MAP2K5: variants seen among roughly 807,000 people sequenced by gnomAD.
MAP2K5 encodes dual specificity mitogen-activated protein kinase kinase 5.
In MAP2K5, 49 loss-of-function variants were observed where a neutral mutation model predicts 83.1. The observed-to-expected ratio is 0.59, with a 90% CI of 0.47 to 0.75. The LOEUF is 0.75. Among genes scored for constraint, MAP2K5 ranks in the 30% least tolerant of loss-of-function variants. MAP2K5 has a pLI of 0.00. For missense variants in MAP2K5, 457 were observed against 557.5 expected (o/e 0.82, Z 1.82); for synonymous variants, 202 against 191.8 (o/e 1.05, Z -0.44).
intron 3 of MAP2K5, among the ~76,000 whole-genome samples, chr15:67,576,970 C>T (rs2085078652): frequency 7.1e-6 from 1 of 140,308 alleles, no homozygotes; most frequent in South Asian, 2.5e-4. Flanking sequence ...GCTCTGTCGC[C>T]CAGGCCGGAC....
intron 7 of MAP2K5, among the ~76,000 whole-genome samples, chr15:67,597,920 C>G (rs1404459976): frequency 6.6e-6 from 1 of 152,030 alleles, no homozygotes; most frequent in Non-Finnish European, 1.5e-5. Flanking sequence ...AAAACACAGT[C>G]AGGCCGGGCG....
chr15:67,600,533 T>C (rs2085632560), intron 7 of MAP2K5, 152 bp from the exon 8 acceptor site: 1 of 628,948 alleles, frequency 1.6e-6, no homozygotes, highest in Non-Finnish European at 2.8e-6. Flanking sequence ...CTTTTATAAA[T>C]TGGACAGCAA....
At position 67,802,540 on chromosome 15, in the gene MAP2K5, G is replaced by A. The variant is rs992418451; in HGVS notation, c.1243-4106G>A. On this transcript the variant is annotated intron_variant, in intron 21 of 21. Transcript: ENST00000178640. This position sits in a 1 kb window ranked among gnomAD's most constrained non-coding sequence, Gnocchi z 5.0. ...CCTCGTCAGTTTAATTGTTGCAATT[G>A]GCCCTCAGAGAATCCAGGGAATGAG... Among the ~76,000 whole-genome samples the A allele has an allele frequency of 6.6e-6, 1 of 152,188 alleles. No homozygotes were observed.
chr15:67,609,795 A>G (rs2085876881), intron 8 of MAP2K5, among the ~76,000 whole-genome samples: 1 of 152,082 alleles, frequency 6.6e-6, no homozygotes, highest in Admixed American at 6.5e-5. Flanking sequence ...TGAGACCTAA[A>G]GACAGGATGG....
chr15:67,559,693 A>G lies in MAP2K5; in HGVS notation c.185-3590A>G, dbSNP rs532233570. 1.3e-4 allele frequency among the ~76,000 whole-genome samples: 20 copies of G among 152,166 alleles called. No individual in the cohort carries two copies. The South Asian group carries it at 4.1e-3, about 32-fold the overall frequency. On this transcript the variant is annotated intron_variant, in intron 2 of 21. Transcript: ENST00000178640. This position sits in a 1 kb window ranked among gnomAD's most constrained non-coding sequence, Gnocchi z 4.7. Reference sequence around the variant, plus strand: ...GCCAGTACATAGGCTTTCTGGTTCTACTTTTGCTTCCCTAATGTGCTGGAA... The same window carrying G: ...GCCAGTACATAGGCTTTCTGGTTCTGCTTTTGCTTCCCTAATGTGCTGGAA...
chr15:67,649,092 G>A (rs141461366), intron 11 of MAP2K5, among the ~76,000 whole-genome samples: 7 of 152,290 alleles, frequency 4.6e-5, no homozygotes, highest in African/African-American at 1.4e-4. Flanking sequence ...CTTGTAGTGT[G>A]ACATGGTATC....
Position 67,720,289 on chromosome 15 carries a change from A to G in MAP2K5, c.1045-7627A>G, listed in dbSNP as rs1266601082. Among the ~76,000 whole-genome samples, 1 of 151,966 alleles carries G rather than the reference A, an allele frequency of 6.6e-6. No homozygotes were observed. On this transcript the variant is annotated intron_variant, in intron 16 of 21. Coordinates refer to ENST00000178640, the MANE Select transcript of MAP2K5 (RefSeq NM_145160.3). The surrounding 1 kb of genome is among the most constrained non-coding windows in gnomAD (Gnocchi z 5.7). ...ACACACATATGCTTATATATACATA[A>G]GTATACACATACATACACACACATA... is the stretch of plus-strand genomic sequence containing the variant.
chr15:67,594,675 G>C (rs954237765), intron 7 of MAP2K5, among the ~76,000 whole-genome samples: 4 of 152,140 alleles, frequency 2.6e-5, no homozygotes, highest in Non-Finnish European at 4.4e-5. Context: ...GTGGGAGGTT[G>C]TCCTGGCAAG....
In MAP2K5 at chr15:67,738,686, C is replaced by T. The variant is rs1337874648; in HGVS notation, c.1075-9545C>T. 6.6e-6 allele frequency among the ~76,000 whole-genome samples: 1 copy of T among 152,186 alleles called. No individual in the cohort carries two copies. Among genetic ancestry groups the T allele is most frequent in the Non-Finnish European group, 1.5e-5 (1 of 68,026 alleles). On this transcript the variant is annotated intron_variant, in intron 17 of 21. Coordinates refer to ENST00000178640, the MANE Select transcript of MAP2K5 (RefSeq NM_145160.3). This position sits in a 1 kb window ranked among gnomAD's most constrained non-coding sequence, Gnocchi z 4.1. ...TGTATAGAGGAGATGGGGATCCACC[C>T]ACATACACATGTACACACAACCACA...
chr15:67,635,619 A>G (rs1037942313), intron 9 of MAP2K5, among the ~76,000 whole-genome samples: 2 of 151,908 alleles, frequency 1.3e-5, no homozygotes, highest in African/African-American at 4.8e-5. Context: ...TGTCTGAATG[A>G]CTTCTTCCTT....
chr15:67,628,938 G>A, intron 8 of MAP2K5: 1 of 758,200 alleles, frequency 1.3e-6, no homozygotes, highest in Non-Finnish European at 2.4e-6. Context: ...CAATTTTGGA[G>A]GTGGTGGAAG....
intron 13 of MAP2K5, among the ~76,000 whole-genome samples, chr15:67,681,982 C>T (rs1159184346): frequency 6.6e-6 from 1 of 152,172 alleles, no homozygotes; most frequent in African/African-American, 2.4e-5. Flanking sequence ...CTCATCTTTT[C>T]TGTGCTTTGC....
intron 20 of MAP2K5, among the ~76,000 whole-genome samples, chr15:67,771,454 A>G (rs1240179882): frequency 6.6e-6 from 1 of 152,204 alleles, no homozygotes; most frequent in Admixed American, 6.5e-5. Context: ...AAAATTAATC[A>G]GCTGTTATTT....
intron 8 of MAP2K5, among the ~76,000 whole-genome samples, chr15:67,620,103 G>A (rs1177233371): frequency 2.6e-5 from 4 of 152,136 alleles, no homozygotes; most frequent in Non-Finnish European, 4.4e-5. Context: ...CATGTGCAGC[G>A]GCTAACGCCT....
intron 21 of MAP2K5, among the ~76,000 whole-genome samples, chr15:67,787,564 A>C (rs968106370): frequency 9.9e-5 from 15 of 151,970 alleles, no homozygotes; most frequent in African/African-American, 3.6e-4. Flanking sequence ...ATTGCTTTAG[A>C]CTCCTTTTAA....
At chr15:67,609,867 G>A (rs2085878483) in intron 8 of MAP2K5, among the ~76,000 whole-genome samples, 1 of 152,106 alleles carries the variant, frequency 6.6e-6, no homozygotes, top group Non-Finnish European at 1.5e-5. Context: ...TCAGGCGGAA[G>A]CCCTAAGATT....
rs1333659427 is a variant in MAP2K5, at chr15:67,802,533, T to G, written c.1243-4113T>G. 2.0e-5 allele frequency among the ~76,000 whole-genome samples: 3 copies of G among 152,222 alleles called. No homozygotes were observed. Among genetic ancestry groups the G allele is most frequent in the Admixed American group, 6.5e-5 (1 of 15,286 alleles). On this transcript the variant is annotated intron_variant, in intron 21 of 21. Coordinates refer to ENST00000178640, the MANE Select transcript of MAP2K5 (RefSeq NM_145160.3). The surrounding 1 kb of genome is among the most constrained non-coding windows in gnomAD (Gnocchi z 5.0). ...CTTCAACCCTCGTCAGTTTAATTGTTGCAATTGGCCCTCAGAGAATCCAGG... is the reference window on the plus strand; with the variant it reads ...CTTCAACCCTCGTCAGTTTAATTGTGGCAATTGGCCCTCAGAGAATCCAGG...
rs1339324185 is a variant in MAP2K5 at position 67,785,407 on chromosome 15, A to G, written c.1242+12655A>G. On this transcript the variant is annotated intron_variant, in intron 21 of 21. Coordinates refer to ENST00000178640, the MANE Select transcript of MAP2K5 (RefSeq NM_145160.3). This position sits in a 1 kb window ranked among gnomAD's most constrained non-coding sequence, Gnocchi z 4.4. The stretch of plus-strand genomic sequence containing the variant: ...ACATTGCAGCATGGCTACTTGTATC[A>G]TTGCAGGCCAGCAGCAAGCAGTTCA... Among the ~76,000 whole-genome samples, 1 of 152,214 alleles carries G rather than the reference A, an allele frequency of 6.6e-6. No homozygotes were observed. Among genetic ancestry groups the G allele is most frequent in the African/African-American group, 2.4e-5 (1 of 41,460 alleles).
intron 13 of MAP2K5, among the ~76,000 whole-genome samples, chr15:67,672,248 A>G (rs2087558851): frequency 1.3e-5 from 2 of 151,034 alleles, no homozygotes; most frequent in Admixed American, 1.3e-4. Context: ...ACTGACTTCC[A>G]CAATGGTTGA....
Sources: gnomAD v4.1 joint callset for allele counts (sites outside exome capture counted in the v4.1 genomes callset) on GRCh38, gnomAD v4.1.1 for gene constraint, Gnocchi (gnomAD v3.1) non-coding constraint, MANE v1.5 for transcripts, NCBI Gene and HGNC (gene_info 2026-07-23, HGNC 2026-07-21) for gene names.